TNIK: variants seen among roughly 807,000 people sequenced by gnomAD.
The protein encoded by TNIK is TRAF2 and NCK interacting kinase, also known as TRAF2 and NCK-interacting protein kinase.
TNIK carries 49 observed loss-of-function variants against 191.3 expected under a neutral mutation model. The observed-to-expected ratio is 0.26, with a 90% CI of 0.20 to 0.32. TNIK has a LOEUF of 0.32. TNIK is among the 10% of genes least tolerant of loss of function. The pLI is 1.00. For synonymous variants in TNIK, 594 were observed against 600.9 expected (o/e 0.99, Z 0.17); for missense variants, 1,155 against 1,702.3 (o/e 0.68, Z 5.66).
At chr3:171,190,350 A>T (rs1577075541) in intron 6 of TNIK, among the ~76,000 whole-genome samples, 1 of 152,304 alleles carries the variant, frequency 6.6e-6, no homozygotes, top group Non-Finnish European at 1.5e-5. Flanking sequence ...AATGGAAAAA[A>T]ATTGGGTCCT....
rs1200670527 is a variant in TNIK, at chr3:171,278,899, G to A, written c.124-50678C>T. Among the ~76,000 whole-genome samples, 4 of 152,142 alleles carry A rather than the reference G, an allele frequency of 2.6e-5. No individual in the cohort carries two copies. In the South Asian group the frequency reaches 6.2e-4, roughly 24 times the overall value. On this transcript the variant is annotated intron_variant, in intron 2 of 32. Transcript: ENST00000436636. Reference sequence around the variant, plus strand: ...TAGAATTGTATCAGAATTTCAGGGTGGAGGGGGATATTTTTAAATGATACT... The same window carrying A: ...TAGAATTGTATCAGAATTTCAGGGTAGAGGGGGATATTTTTAAATGATACT...
chr3:171,275,087 CCTCTCCA>C (rs1749569803), intron 2 of TNIK, among the ~76,000 whole-genome samples: 1 of 152,146 alleles, frequency 6.6e-6, no homozygotes, highest in South Asian at 2.1e-4. Flanking sequence ...TCCCTCTCCT[CCTCTCCA>C]TCAACCCAGA....
At chr3:171,096,816 TTTA>T (rs1722787645) in intron 22 of TNIK, among the ~76,000 whole-genome samples, 1 of 152,216 alleles carries the variant, frequency 6.6e-6, no homozygotes, top group Non-Finnish European at 1.5e-5. Context: ...ATAATAAATG[TTTA>T]TTAAATCGCT....
intron 9 of TNIK, among the ~76,000 whole-genome samples, chr3:171,173,395 C>CAAAAAA (rs57114753): frequency 8.3e-6 from 1 of 120,672 alleles, no homozygotes; most frequent in African/African-American, 3.1e-5. Flanking sequence ...GACTCCGTCT[C>CAAAAAA]AAAAAAAAAA....
intron 2 of TNIK, among the ~76,000 whole-genome samples, chr3:171,319,599 C>T (rs1577464518): frequency 6.6e-6 from 1 of 152,080 alleles, no homozygotes; most frequent in Admixed American, 6.6e-5. Context: ...GCTGACCCGA[C>T]AGACAAATTT....
intron 1 of TNIK, among the ~76,000 whole-genome samples, chr3:171,388,468 G>C (rs188786052): frequency 8.8e-4 from 134 of 152,324 alleles, no homozygotes; most frequent in Middle Eastern, 3.4e-3. Flanking sequence ...AATCATTTCA[G>C]TTTAAAATTC....
intron 2 of TNIK, among the ~76,000 whole-genome samples, chr3:171,281,718 G>A (rs1750446976): frequency 1.3e-5 from 2 of 152,160 alleles, no homozygotes; most frequent in South Asian, 2.1e-4. Context: ...ATATAAACAA[G>A]TCACACAGTC....
chr3:171,426,170 G>A (rs1724545612), intron 1 of TNIK, among the ~76,000 whole-genome samples: 1 of 151,948 alleles, frequency 6.6e-6, no homozygotes, highest in Non-Finnish European at 1.5e-5. Context: ...GTCCAACAAT[G>A]ATAGACTGGA....
At chr3:171,139,376 G>GTGCACA (rs1553830101) in intron 14 of TNIK, 94 bp downstream of exon 14, 28 of 532,056 alleles carry the variant, frequency 5.3e-5, no homozygotes, top group Middle Eastern at 6.4e-4. Context: ...ACACGCACGC[G>GTGCACA]CGCACACACA....
chr3:171,420,764 C>A (rs13080580), intron 1 of TNIK, among the ~76,000 whole-genome samples: 60,052 of 151,932 alleles, frequency 0.4, 13,141 homozygotes, highest in Non-Finnish European at 0.48. Context: ...GTTACTCGAA[C>A]GCAAGCACTG....
chr3:171,208,976 T>C (rs1229063521), intron 4 of TNIK, among the ~76,000 whole-genome samples: 6 of 152,148 alleles, frequency 3.9e-5, no homozygotes, highest in Admixed American at 6.5e-5. Flanking sequence ...TACATCCTTA[T>C]GTAGTTACCT....
chr3:171,176,990 G>A (rs992895615), intron 8 of TNIK, among the ~76,000 whole-genome samples: 13 of 152,298 alleles, frequency 8.5e-5, no homozygotes, highest in Middle Eastern at 3.4e-3. Context: ...ATACATTGGA[G>A]TTTATAGTCT....
chr3:171,198,716 G>A (rs1285598701), intron 4 of TNIK, among the ~76,000 whole-genome samples: 1 of 152,090 alleles, frequency 6.6e-6, no homozygotes, highest in African/African-American at 2.4e-5. Flanking sequence ...CTATTTTTGT[G>A]TATTTTTAGG....
At chr3:171,389,440 C>G (rs1416309218) in intron 1 of TNIK, among the ~76,000 whole-genome samples, 1 of 152,140 alleles carries the variant, frequency 6.6e-6, no homozygotes, top group Non-Finnish European at 1.5e-5. Flanking sequence ...GTACTGTACA[C>G]TAAAGATCTA....
chr3:171,059,766 A>G lies in TNIK; in HGVS notation c.*4115T>C, dbSNP rs1276371912. Among the ~76,000 whole-genome samples the G allele has an allele frequency of 2.0e-5, 3 of 152,172 alleles. No individual in the cohort carries two copies. The highest frequency in any genetic ancestry group is 6.5e-5 in the Admixed American group (1 of 15,270). ...TGGATTTTAGATTTATGTTACAACT[A>G]TGTAGTCTCAGGGGAGGTCAGTTTT... On this transcript the variant is annotated 3_prime_UTR_variant, in exon 33 of 33. Transcript: ENST00000436636.
At position 171,157,393 on chromosome 3, in the gene TNIK, G is replaced by A. The variant is rs867445984; in HGVS notation, c.1221+67C>T. On this transcript the variant is annotated intron_variant, in intron 12 of 32. Coordinates refer to ENST00000436636, the MANE Select transcript of TNIK (RefSeq NM_015028.4). ...CTCACAGGTGGGATGTGGGCCCCCA[G>A]GGAATGCTTGGAGAGTGACCACAAC... is the stretch of plus-strand genomic sequence containing the variant. The A allele has an allele frequency of 4.6e-6, 7 of 1,522,894 alleles. No individual in the cohort carries two copies. In the Middle Eastern group the frequency reaches 1.1e-3, roughly 232 times the overall value. 94.3% of individuals were successfully genotyped at this position (1,522,894 alleles called of 1,614,324 possible).
intron 28 of TNIK, 68 bp from the exon 29 acceptor site, chr3:171,071,391 GA>G: frequency 9.3e-7 from 1 of 1,071,894 alleles, no homozygotes; most frequent in Non-Finnish European, 1.3e-6. Flanking sequence ...TAATATTAAT[GA>G]ATGTATAAGC....
At chr3:171,452,588 G>T (rs6772737) in intron 1 of TNIK, among the ~76,000 whole-genome samples, 29,337 of 151,864 alleles carry the variant, frequency 0.19, 4,743 homozygotes, top group African/African-American at 0.44. Flanking sequence ...CTCACTGCCA[G>T]CTCTGTCAAG....
At chr3:171,121,493 C>T (rs1333283642) in intron 18 of TNIK, among the ~76,000 whole-genome samples, 1 of 152,182 alleles carries the variant, frequency 6.6e-6, no homozygotes, top group South Asian at 2.1e-4. Flanking sequence ...TTGAGATGCT[C>T]TTCTGAGATC....
Sources: allele counts gnomAD v4.1 joint callset (sites outside exome capture counted in the v4.1 genomes callset), GRCh38; gene constraint gnomAD v4.1.1; transcripts MANE v1.5; gene names NCBI Gene and HGNC (gene_info 2026-07-23, HGNC 2026-07-21).